Variants in EPB41L2 observed in about 807,000 individuals in gnomAD.
EPB41L2 encodes the protein erythrocyte membrane protein band 4.1 like 2.
A neutral mutation model predicts 113.0 loss-of-function variants in EPB41L2; 43 were observed. That is an observed-to-expected ratio of 0.38 (90% confidence interval 0.30 to 0.49). The LOEUF (loss-of-function observed/expected upper bound fraction) is 0.49. Among genes scored for constraint, EPB41L2 ranks in the 20% least tolerant of loss-of-function variants. The probability of loss-of-function intolerance (pLI) is 0.95; values close to 1 mark genes in which losing one functional copy is unlikely to be tolerated. For missense variants in EPB41L2, 1,147 were observed against 1,223.4 expected, an observed-to-expected ratio of 0.94 and a Z score of 0.93; for synonymous variants, 442 against 436.7, an observed-to-expected ratio of 1.01 and a Z score of -0.15.
chr6:130,967,468 G>C (rs1184783456), intron 1 of EPB41L2, among the ~76,000 whole-genome samples: 2 of 149,578 alleles, frequency 1.3e-5, no homozygotes, highest in Non-Finnish European at 3.0e-5. Flanking sequence ...GCATATGCAG[G>C]CAGCGTAAAA....
chr6:130,881,951 GC>G (rs1012161894), intron 12 of EPB41L2: 1 of 152,138 alleles, frequency 6.6e-6, no homozygotes, highest in African/African-American at 2.4e-5. Flanking sequence ...GAGATAAGGA[GC>G]TTTTGAGATT....
chr6:131,027,975 T>C (rs527505318), intron 1 of EPB41L2, among the ~76,000 whole-genome samples: 6 of 152,254 alleles, frequency 3.9e-5, no homozygotes, highest in East Asian at 3.9e-4. Flanking sequence ...TCAAAAGACC[T>C]GACAAAAAGC....
intron 1 of EPB41L2, among the ~76,000 whole-genome samples, chr6:131,019,253 G>A (rs1369105273): frequency 6.6e-6 from 1 of 152,088 alleles, no homozygotes; most frequent in Non-Finnish European, 1.5e-5. Context: ...AGGAAACAGA[G>A]TTTTGCATTT....
At chr6:130,847,152 C>T (rs190881790) in intron 19 of EPB41L2, among the ~76,000 whole-genome samples, 100 of 152,276 alleles carry the variant, frequency 6.6e-4, no homozygotes, top group Non-Finnish European at 7.8e-4. Flanking sequence ...TTGCTTTTCC[C>T]GACATCCTTC....
chr6:131,018,083 T>G (rs1352352590), intron 1 of EPB41L2, among the ~76,000 whole-genome samples: 1 of 152,194 alleles, frequency 6.6e-6, no homozygotes, highest in Non-Finnish European at 1.5e-5. Flanking sequence ...AAGGCCTAGC[T>G]AGAACAGACC....
chr6:131,031,695 G>A (rs1054698654), intron 1 of EPB41L2, among the ~76,000 whole-genome samples: 13 of 152,128 alleles, frequency 8.5e-5, no homozygotes, highest in African/African-American at 3.1e-4. Flanking sequence ...AATCCAACCT[G>A]TGAGATAGTA....
At chr6:130,989,300 T>C (rs1308936602) in intron 1 of EPB41L2, among the ~76,000 whole-genome samples, 1 of 152,190 alleles carries the variant, frequency 6.6e-6, no homozygotes, top group Admixed American at 6.5e-5. Flanking sequence ...CTTGCCTTTC[T>C]CCCCTATCAG....
chr6:130,910,544 A>G (rs1461266466), intron 4 of EPB41L2, among the ~76,000 whole-genome samples: 1 of 152,236 alleles, frequency 6.6e-6, no homozygotes, highest in African/African-American at 2.4e-5. Context: ...AATTAAACTA[A>G]AGAGCTTCTG....
intron 7 of EPB41L2, 139 bp from the exon 8 acceptor site, chr6:130,899,717 A>G (rs1276484268): frequency 1.4e-6 from 1 of 695,274 alleles, no homozygotes; most frequent in East Asian, 2.7e-5. Flanking sequence ...AGGAAATGGT[A>G]AGAAAACAAC....
At chr6:130,957,986 T>C (rs1190470044) in intron 1 of EPB41L2, among the ~76,000 whole-genome samples, 1 of 152,250 alleles carries the variant, frequency 6.6e-6, no homozygotes, top group Non-Finnish European at 1.5e-5. Context: ...AACTTAAAAA[T>C]GTTTTTCACA....
chr6:130,898,506 T>A (rs146794842), intron 8 of EPB41L2, among the ~76,000 whole-genome samples: 1 of 152,346 alleles, frequency 6.6e-6, no homozygotes, highest in Non-Finnish European at 1.5e-5. Flanking sequence ...TTCACCTTGC[T>A]TGTCATTCTC....
chr6:130,866,340 C>A (rs912281548), intron 16 of EPB41L2, among the ~76,000 whole-genome samples: 2 of 152,216 alleles, frequency 1.3e-5, no homozygotes, highest in East Asian at 3.8e-4. Flanking sequence ...AATAGCCTAA[C>A]AGTTTATGTT....
chr6:131,022,902 A>G (rs9492783), intron 1 of EPB41L2, among the ~76,000 whole-genome samples: 14 of 152,234 alleles, frequency 9.2e-5, no homozygotes, highest in African/African-American at 3.1e-4. Flanking sequence ...AATTCTTGTG[A>G]CATCATCATA....
chr6:130,929,104 T>C (rs1805802169), intron 3 of EPB41L2, among the ~76,000 whole-genome samples: 1 of 152,106 alleles, frequency 6.6e-6, no homozygotes, highest in African/African-American at 2.4e-5. Context: ...TCCATCTGCC[T>C]CTCCACCCTC....
intron 1 of EPB41L2, among the ~76,000 whole-genome samples, chr6:131,004,744 G>A (rs1345434555): frequency 6.6e-6 from 1 of 152,066 alleles, no homozygotes; most frequent in Non-Finnish European, 1.5e-5. Flanking sequence ...GACTAGGGGT[G>A]AAGGGCTACA....
chr6:130,918,623 TAA>T (rs1801875959), intron 4 of EPB41L2, among the ~76,000 whole-genome samples: 1 of 152,134 alleles, frequency 6.6e-6, no homozygotes, highest in South Asian at 2.1e-4. Context: ...TAGAATGAAC[TAA>T]AAAGACTTTC....
In EPB41L2 at chr6:130,908,997, C is replaced by T. The variant is rs188304062; in HGVS notation, c.811-134G>A. On this transcript the variant is annotated intron_variant, in intron 4 of 19. Transcript: ENST00000337057. ...ATTCAAAGCAACTTGCACCTATCAG[C>T]ATTCCACTGGGCTAAGTATTGCTTT... The T allele has an allele frequency of 1.5e-4, 97 of 629,554 alleles. No homozygotes were observed. In the Admixed American group the frequency reaches 1.7e-3, roughly 11 times the overall value. 39.0% of individuals were successfully genotyped at this position (629,554 alleles called of 1,614,324 possible). A position where few individuals can be genotyped will look rare whatever the true frequency, so the allele number is the denominator to read the frequency against.
intron 1 of EPB41L2, among the ~76,000 whole-genome samples, chr6:130,983,309 G>T (rs1562658474): frequency 6.6e-6 from 1 of 152,120 alleles, no homozygotes; most frequent in Non-Finnish European, 1.5e-5. Context: ...AGAACACTGA[G>T]AACTACAGTA....
chr6:131,059,593 T>C (rs1273921061), intron 1 of EPB41L2, among the ~76,000 whole-genome samples: 1 of 152,254 alleles, frequency 6.6e-6, no homozygotes, highest in African/African-American at 2.4e-5. Flanking sequence ...AAGGATGTTC[T>C]GTCTAGAATT....
Sources: allele counts gnomAD v4.1 joint callset (sites outside exome capture counted in the v4.1 genomes callset), GRCh38; gene constraint gnomAD v4.1.1; transcripts MANE v1.5; gene names NCBI Gene and HGNC (gene_info 2026-07-23, HGNC 2026-07-21).